The following SCFD1 variants were observed in gnomAD, a reference collection of about 807,000 sequenced individuals.
SCFD1 encodes the protein sec1 family domain containing 1.
Under a neutral mutation model 103.2 loss-of-function variants are expected in SCFD1, and 37 were observed. The observed-to-expected ratio is 0.36, with a 90% CI of 0.28 to 0.47. The LOEUF is 0.47. SCFD1 is among the 20% of genes least tolerant of loss of function. SCFD1 has a pLI of 1.00. For missense variants in SCFD1, 639 were observed against 761.2 expected (o/e 0.84, Z 1.89); for synonymous variants, 264 against 245.0 (o/e 1.08, Z -0.73).
At chr14:30,671,125 G>C (rs186868352) in intron 11 of SCFD1, among the ~76,000 whole-genome samples, 1 of 152,110 alleles carries the variant, frequency 6.6e-6, no homozygotes, top group African/African-American at 2.4e-5. Context: ...TGTTCTTTTT[G>C]GGCTTATATT....
chr14:30,639,952 C>G, intron 6 of SCFD1, 88 bp downstream of exon 6: 1 of 1,395,856 alleles, frequency 7.2e-7, no homozygotes. Context: ...TAATGGACTT[C>G]AAAACCAGCT....
intron 6 of SCFD1, among the ~76,000 whole-genome samples, chr14:30,643,094 G>A (rs765398738): frequency 6.6e-6 from 1 of 152,168 alleles, no homozygotes; most frequent in East Asian, 1.9e-4. Context: ...GATCACTTGA[G>A]CCCAGGAGGT....
intron 1 of SCFD1, among the ~76,000 whole-genome samples, chr14:30,624,641 A>G (rs933558573): frequency 1.3e-5 from 2 of 152,086 alleles, no homozygotes; most frequent in Non-Finnish European, 2.9e-5. Context: ...TGCTTTTACA[A>G]TCCTGTTCTC....
At chr14:30,643,243 T>G in intron 6 of SCFD1, 73 bp from the exon 7 acceptor site, 1 of 953,122 alleles carries the variant, frequency 1.0e-6, no homozygotes. Flanking sequence ...AATTTAGTAA[T>G]AATTTTAGGA....
At chr14:30,627,524 A>G (rs1017619405) in intron 1 of SCFD1, among the ~76,000 whole-genome samples, 4 of 152,128 alleles carry the variant, frequency 2.6e-5, no homozygotes, top group Non-Finnish European at 4.4e-5. Context: ...AGGCGGGTGG[A>G]TCACCTGAGG....
At chr14:30,672,751 T>A (rs1409184491) in intron 11 of SCFD1, among the ~76,000 whole-genome samples, 3 of 152,180 alleles carry the variant, frequency 2.0e-5, no homozygotes, top group African/African-American at 7.2e-5. Context: ...CAAGTGCTAT[T>A]TTTACCAGTA....
chr14:30,633,907 G>C, intron 3 of SCFD1, 40 bp from the exon 4 acceptor site: 1 of 1,184,242 alleles, frequency 8.4e-7, no homozygotes, highest in Non-Finnish European at 1.2e-6. Context: ...TTTTAAATAA[G>C]TGAATAAAAA....
chr14:30,664,613 T>A (rs1887758833), intron 10 of SCFD1, among the ~76,000 whole-genome samples: 1 of 152,002 alleles, frequency 6.6e-6, no homozygotes, highest in Non-Finnish European at 1.5e-5. Flanking sequence ...AAGGAGGATG[T>A]TTGAACCGGT....
At position 30,622,397 on chromosome 14, in the gene SCFD1, C is replaced by G; in HGVS notation, c.59C>G (p.Thr20Arg). 1 of 1,552,704 alleles carries G rather than the reference C, an allele frequency of 6.4e-7. No individual in the cohort carries two copies. The highest frequency in any genetic ancestry group is 8.7e-7 in the Non-Finnish European group (1 of 1,147,542). ...GCAGCCAGTATTCGGGAAAGGCAGA[C>G]AGGTACTGACTTATTCTCTTCTCCT... ...AAAASIRERQTVALKRMLNFN... is the reference protein window; with the variant it reads ...AAAASIRERQRVALKRMLNFN... Residue 20 changes from threonine to arginine, a missense_variant and splice_region_variant, in exon 1 of 25, where the codon ACA (threonine) becomes AGA (arginine). Thr to Arg is a moderately conservative substitution (Grantham distance 71). Coordinates refer to ENST00000458591, the MANE Select transcript of SCFD1 (RefSeq NM_016106.4).
intron 14 of SCFD1, among the ~76,000 whole-genome samples, 177 bp from the exon 15 acceptor site, chr14:30,694,596 G>A (rs1183285162): frequency 6.6e-6 from 1 of 152,114 alleles, no homozygotes; most frequent in African/African-American, 2.4e-5. Flanking sequence ...GAATGAGCCT[G>A]GGAAGTTGAG....
chr14:30,623,631 G>A (rs1883084496), intron 1 of SCFD1, among the ~76,000 whole-genome samples: 1 of 152,168 alleles, frequency 6.6e-6, no homozygotes, highest in Non-Finnish European at 1.5e-5. Flanking sequence ...CAGTAAAACT[G>A]TACCAATACA....
intron 14 of SCFD1, among the ~76,000 whole-genome samples, chr14:30,677,350 T>C (rs1375535089): frequency 6.6e-6 from 1 of 152,120 alleles, no homozygotes; most frequent in Non-Finnish European, 1.5e-5. Flanking sequence ...TATTGAATCA[T>C]TATCTTGCTA....
Position 30,735,630 on chromosome 14 carries a change from A to ATAATC in SCFD1, c.*24_*28dup. The ATAATC allele has an allele frequency of 6.4e-7, 1 of 1,568,794 alleles. No homozygotes were observed. The highest frequency in any genetic ancestry group is 8.7e-7 in the Non-Finnish European group (1 of 1,147,292). ...AGTAACACAGAAGAACCTTACTATG[A>ATAATC]TAATCTACTTGGAATGTGGATAAAT... is the stretch of plus-strand genomic sequence containing the variant. On this transcript the variant is annotated 3_prime_UTR_variant, in exon 25 of 25. Transcript: ENST00000458591.
In SCFD1 at chr14:30,685,031, A is replaced by G. The variant is rs552497067; in HGVS notation, c.1243-9742A>G. 1.7e-4 allele frequency among the ~76,000 whole-genome samples: 11 copies of G among 65,152 alleles called. No individual in the cohort carries two copies. In the East Asian group the frequency reaches 2.9e-3, roughly 17 times the overall value. 42.7% of individuals were successfully genotyped at this position (65,152 alleles called of 152,430 possible). ...TGTGTCCATGTGATCTCATTGTTCA[A>G]TTCCCACCTATGAGTGAGAATATGC... On this transcript the variant is annotated intron_variant, in intron 14 of 24. Transcript: ENST00000458591.
intron 1 of SCFD1, among the ~76,000 whole-genome samples, chr14:30,624,817 A>G (rs1242267599): frequency 6.6e-6 from 1 of 151,710 alleles, no homozygotes; most frequent in Non-Finnish European, 1.5e-5. Context: ...CTCACTCCCT[A>G]TTTCTCTTCC....
chr14:30,646,499 C>T (rs1158106067), intron 7 of SCFD1, among the ~76,000 whole-genome samples: 1 of 151,938 alleles, frequency 6.6e-6, no homozygotes, highest in East Asian at 1.9e-4. Context: ...GTGGTGGATT[C>T]ATTTTTTTGG....
At position 30,653,502 on chromosome 14, in the gene SCFD1, T is replaced by C. The variant is rs1886600433; in HGVS notation, c.769T>C (p.Leu257=). 6.2e-7 allele frequency: 1 copy of C among 1,611,952 alleles called. No individual in the cohort carries two copies. The highest frequency in any genetic ancestry group is 8.5e-7 in the Non-Finnish European group (1 of 1,178,242). ...GTATATTTACAGCTTCCAGAGGCCC[T>C]TATTAGTCCTTGTTGACAGAAACAT... ...GAGQFSFQRP[L]LVLVDRNIDL... Residue 257 remains leucine (L), a synonymous_variant, in exon 10 of 25, where the codon TTA becomes CTA. Coordinates refer to ENST00000458591, the MANE Select transcript of SCFD1 (RefSeq NM_016106.4).
At chr14:30,639,647 A>G in intron 5 of SCFD1, 130 bp from the exon 6 acceptor site, 1 of 973,536 alleles carries the variant, frequency 1.0e-6, no homozygotes, top group Non-Finnish European at 1.4e-6. Flanking sequence ...TACACAGTAC[A>G]ATTTTTAGTT....
intron 1 of SCFD1, among the ~76,000 whole-genome samples, chr14:30,625,216 G>A (rs1468926906): frequency 7.5e-6 from 1 of 132,722 alleles, no homozygotes; most frequent in Non-Finnish European, 1.5e-5. Flanking sequence ...CATCAAACGT[G>A]TTGAATGAAT....
Sources: gnomAD v4.1 joint callset for allele counts (sites outside exome capture counted in the v4.1 genomes callset) on GRCh38, gnomAD v4.1.1 for gene constraint, MANE v1.5 for transcripts, NCBI Gene and HGNC (gene_info 2026-07-23, HGNC 2026-07-21) for gene names.